CNBD2: variants seen among roughly 807,000 people sequenced by gnomAD.
CNBD2 encodes cyclic nucleotide binding domain containing 2, also known as cyclic nucleotide-binding domain-containing protein 2.
CNBD2 carries 64 observed loss-of-function variants against 63.7 expected under a neutral mutation model. The observed-to-expected ratio is 1.00, with a 90% CI of 0.82 to 1.24. CNBD2 has a LOEUF of 1.24. CNBD2 is among the 50% of genes most tolerant of loss of function. The pLI, the probability that CNBD2 is intolerant of heterozygous loss-of-function variation, is 0.00. For synonymous variants in CNBD2, 229 were observed against 255.4 expected (o/e 0.90, Z 0.99); for missense variants, 691 against 713.5 (o/e 0.97, Z 0.36).
chr20:35,980,365 G>A (rs2056579167), intron 3 of CNBD2, 94 bp from the exon 4 acceptor site: 12 of 1,163,744 alleles, frequency 1.0e-5, no homozygotes, highest in East Asian at 2.3e-5. Context: ...TACAGGGAAC[G>A]GGAGAGTGTA....
At chr20:35,979,708 G>C (rs1272526305) in intron 3 of CNBD2, among the ~76,000 whole-genome samples, 1 of 152,226 alleles carries the variant, frequency 6.6e-6, no homozygotes, top group African/African-American at 2.4e-5. Context: ...GGCAGCATCT[G>C]AGCTGAGACC....
chr20:36,019,240 A>G lies in CNBD2; in HGVS notation c.1270-4362A>G, dbSNP rs183142625. On this transcript the variant is annotated intron_variant, in intron 10 of 11. Transcript: ENST00000373973. ...ACCTGAATGATGAAAATAATAAGCT[A>G]TGGGACTGGGCACAGTGGCTCACAC... Among the ~76,000 whole-genome samples the G allele has an allele frequency of 2.4e-4, 37 of 152,092 alleles. 1 individual carries two copies. The highest frequency in any genetic ancestry group is 4.6e-4 in the Non-Finnish European group (31 of 67,976).
chr20:35,976,386 C>A (rs1041081627), intron 3 of CNBD2, among the ~76,000 whole-genome samples: 1 of 152,074 alleles, frequency 6.6e-6, no homozygotes, highest in African/African-American at 2.4e-5. Context: ...CTGGTTCTAC[C>A]CTGAATTCTC....
chr20:36,029,586 C>T (rs144219801), intron 11 of CNBD2, among the ~76,000 whole-genome samples: 232 of 152,222 alleles, frequency 1.5e-3, no homozygotes, highest in African/African-American at 5.5e-3. Context: ...CTTTCATGAG[C>T]GGGTGGCAGC....
chr20:36,014,277 C>G (rs1363839105), intron 10 of CNBD2, among the ~76,000 whole-genome samples: 1 of 151,552 alleles, frequency 6.6e-6, no homozygotes. Flanking sequence ...TGTTACCCTT[C>G]CAGCAATGAG....
At chr20:35,986,330 G>GT (rs373645370) in intron 6 of CNBD2, among the ~76,000 whole-genome samples, 50 of 149,374 alleles carry the variant, frequency 3.3e-4, no homozygotes, top group Admixed American at 8.7e-4. Flanking sequence ...GGGAGGAGCT[G>GT]TTTTTTTTTT....
intron 10 of CNBD2, among the ~76,000 whole-genome samples, chr20:36,022,623 C>T (rs2057231010): frequency 6.6e-6 from 1 of 151,514 alleles, no homozygotes. Context: ...GTGTGAGCCA[C>T]CACACCTGGC....
intron 7 of CNBD2, among the ~76,000 whole-genome samples, chr20:35,994,746 G>A (rs978838979): frequency 4.0e-5 from 6 of 151,682 alleles, no homozygotes; most frequent in Admixed American, 1.3e-4. Flanking sequence ...AAAATTAGCC[G>A]GGCATGGTGG....
intron 9 of CNBD2, 22 bp from the exon 10 acceptor site, chr20:36,011,115 C>G: frequency 6.6e-7 from 1 of 1,507,818 alleles, no homozygotes; most frequent in Non-Finnish European, 8.9e-7. Flanking sequence ...GATGAGCTCT[C>G]TAACAAGCTG....
intron 2 of CNBD2, among the ~76,000 whole-genome samples, chr20:35,960,932 C>G (rs941074809): frequency 1.3e-5 from 2 of 151,004 alleles, no homozygotes; most frequent in Non-Finnish European, 3.0e-5. Context: ...TCTGTCGCCA[C>G]CCCCCTCCTC....
intron 7 of CNBD2, among the ~76,000 whole-genome samples, chr20:35,990,225 G>A (rs988145502): frequency 6.6e-6 from 1 of 152,222 alleles, no homozygotes; most frequent in African/African-American, 2.4e-5. Context: ...TTTGCTGATT[G>A]TCTTAGGAAA....
chr20:35,970,979 G>T (rs1197487284), intron 1 of CNBD2, among the ~76,000 whole-genome samples: 1 of 140,792 alleles, frequency 7.1e-6, no homozygotes, highest in African/African-American at 2.7e-5. Context: ...ACGGAGTCTC[G>T]CTCTGTCGCC....
intron 8 of CNBD2, among the ~76,000 whole-genome samples, chr20:36,001,404 CCGGGCAGAGGGG>C (rs2056899717): frequency 6.6e-6 from 1 of 150,946 alleles, no homozygotes; most frequent in Non-Finnish European, 1.5e-5. Context: ...GGGCGGCTGG[CCGGGCAGAGGGG>C]CTCCTCACTT....
chr20:36,002,952 C>A (rs1328592710), intron 8 of CNBD2, among the ~76,000 whole-genome samples: 11 of 152,008 alleles, frequency 7.2e-5, no homozygotes. Context: ...TGTTTCACAG[C>A]TCACTGATGT....
At chr20:36,000,609 G>A (rs1208228000) in intron 8 of CNBD2, among the ~76,000 whole-genome samples, 1 of 152,012 alleles carries the variant, frequency 6.6e-6, no homozygotes, top group Non-Finnish European at 1.5e-5. Context: ...ACCCAGGCTG[G>A]AGTGCAATGG....
chr20:35,956,001 G>A (rs1286636615), downstream of CNBD2, among the ~76,000 whole-genome samples: 2 of 152,166 alleles, frequency 1.3e-5, no homozygotes, highest in Admixed American at 1.3e-4. Flanking sequence ...CATTACAGGC[G>A]TGAGCCACCG....
At chr20:36,019,662 C>A (rs1287746786) in intron 10 of CNBD2, among the ~76,000 whole-genome samples, 1 of 151,260 alleles carries the variant, frequency 6.6e-6, no homozygotes, top group Non-Finnish European at 1.5e-5. Context: ...GAAGGGAGGG[C>A]AGGGTGGCTG....
intron 3 of CNBD2, among the ~76,000 whole-genome samples, chr20:35,977,518 A>G (rs1235547263): frequency 5.9e-5 from 9 of 152,218 alleles, no homozygotes. Flanking sequence ...AAAATTAAAA[A>G]ATAAAAATAA....
At chr20:35,988,273 T>A (rs2056696214) in intron 7 of CNBD2, among the ~76,000 whole-genome samples, 1 of 152,116 alleles carries the variant, frequency 6.6e-6, no homozygotes, top group Admixed American at 6.6e-5. Context: ...TTCAAGTGAT[T>A]CTCCTGCCTC....
Sources: gnomAD v4.1 joint callset for allele counts (sites outside exome capture counted in the v4.1 genomes callset) on GRCh38, gnomAD v4.1.1 for gene constraint, MANE v1.5 for transcripts, NCBI Gene and HGNC (gene_info 2026-07-23, HGNC 2026-07-21) for gene names.